TP53I11: variants seen among roughly 807,000 people sequenced by gnomAD.
TP53I11 encodes tumor protein p53 inducible protein 11.
Under a neutral mutation model 23.3 loss-of-function variants are expected in TP53I11, and 9 were observed. The ratio of observed to expected loss-of-function variants is 0.39; its 90% CI spans 0.23 to 0.67. TP53I11 has a LOEUF of 0.67. TP53I11 is among the 30% of genes least tolerant of loss of function. The pLI is 0.48. For synonymous variants in TP53I11, 100 were observed against 106.1 expected (o/e 0.94, Z 0.35); for missense variants, 170 against 255.2 (o/e 0.67, Z 2.27).
chr11:44,935,930 T>C (rs1861059734), intron 5 of TP53I11: 1 of 546,398 alleles, frequency 1.8e-6, no homozygotes, highest in African/African-American at 1.9e-5. Context: ...GCATTGAGAC[T>C]CGATCTCTTT....
Position 44,934,785 on chromosome 11 carries a change from G to A in TP53I11, c.*99C>T. The stretch of plus-strand genomic sequence containing the variant: ...GCCTCCCTGGGGCAGGACTGGGGCA[G>A]GGCAGGGGACCCTCCTGCCTTCCAG... On this transcript the variant is annotated 3_prime_UTR_variant, in exon 7 of 7. Transcript: ENST00000525680. 1.3e-6 allele frequency: 2 copies of A among 1,523,638 alleles called. No homozygotes were observed. The highest frequency in any genetic ancestry group is 1.8e-5 in the Admixed American group (1 of 54,266). 94.4% of individuals were successfully genotyped at this position (1,523,638 alleles called of 1,614,324 possible).
At chr11:44,941,699 GC>G (rs1861771527) in intron 1 of TP53I11, among the ~76,000 whole-genome samples, 1 of 152,116 alleles carries the variant, frequency 6.6e-6, no homozygotes, top group African/African-American at 2.4e-5. Flanking sequence ...CCCTCCCCAG[GC>G]CTCCCATGTG....
In TP53I11 at chr11:44,934,286, G is replaced by C. The variant is rs1033070001; in HGVS notation, c.*598C>G. 1 of 154,102 alleles carries C rather than the reference G, an allele frequency of 6.5e-6. No individual in the cohort carries two copies. The highest frequency in any genetic ancestry group is 1.9e-4 in the East Asian group (1 of 5,234). The allele number at this position is 154,102 out of a possible 1,614,324, so 9.5% of individuals were successfully genotyped here. ...CGTGTGTGTGTTTGCTCACATCATG[G>C]GTGTATGTGTGTCTGTGTGTGTGTT... is the stretch of plus-strand genomic sequence containing the variant. On this transcript the variant is annotated 3_prime_UTR_variant, in exon 7 of 7. Coordinates refer to ENST00000525680, the MANE Select transcript of TP53I11 (RefSeq NM_006034.5).
intron 1 of TP53I11, among the ~76,000 whole-genome samples, chr11:44,942,528 G>A (rs916285418): frequency 5.3e-5 from 8 of 152,010 alleles, no homozygotes; most frequent in Non-Finnish European, 8.8e-5. Context: ...GCAAATCAAC[G>A]GCTGTGGGAC....
chr11:44,948,099 C>A (rs1174539548), intron 1 of TP53I11, among the ~76,000 whole-genome samples: 1 of 152,038 alleles, frequency 6.6e-6, no homozygotes, highest in Non-Finnish European at 1.5e-5. Context: ...CTGCGCTGGC[C>A]CTGGGAGGGG....
rs78148323 is a variant in TP53I11, at chr11:44,949,187, C to T, written c.-32+1490G>A. 2.4e-3 allele frequency among the ~76,000 whole-genome samples: 367 copies of T among 152,318 alleles called. 8 individuals are homozygous for T. In the East Asian group the frequency reaches 0.044, roughly 18 times the overall value. On this transcript the variant is annotated intron_variant, in intron 1 of 6. Transcript: ENST00000525680. ...ACCCAACAAGAAAAATCTTTTCTCT[C>T]CTTTCTCGAAGTCTGGGGCTGAGGC...
Position 44,934,767 on chromosome 11 carries a change from TG to T in TP53I11, c.*116del, listed in dbSNP as rs1860889481. The T allele has an allele frequency of 3.5e-6, 5 of 1,419,418 alleles. No individual in the cohort carries two copies. In the Admixed American group the frequency reaches 9.1e-5, roughly 26 times the overall value. 87.9% of individuals were successfully genotyped at this position (1,419,418 alleles called of 1,614,324 possible). A position where few individuals can be genotyped will look rare whatever the true frequency, so the allele number is the denominator to read the frequency against. On this transcript the variant is annotated 3_prime_UTR_variant, in exon 7 of 7. Transcript: ENST00000525680. ...GAAGGCCCCCCACCCCCTGCCTCCC[TG>T]GGGCAGGACTGGGGCAGGGCAGGGG... is the stretch of plus-strand genomic sequence containing the variant.
Position 44,933,569 on chromosome 11 carries a change from G to C in TP53I11, c.*1315C>G, listed in dbSNP as rs1053916515. Reference sequence around the variant, plus strand: ...CCCTCAGGGAGAAGCTGGGCGGTGGGTATGCAGCACAGGCTGGTGGGCCCT... The same window carrying C: ...CCCTCAGGGAGAAGCTGGGCGGTGGCTATGCAGCACAGGCTGGTGGGCCCT... On this transcript the variant is annotated 3_prime_UTR_variant, in exon 7 of 7. Coordinates refer to ENST00000525680, the MANE Select transcript of TP53I11 (RefSeq NM_006034.5). 1.7e-4 allele frequency: 26 copies of C among 157,180 alleles called. No homozygotes were observed. The highest frequency in any genetic ancestry group is 4.6e-4 in the African/African-American group (19 of 41,438). 9.7% of individuals were successfully genotyped at this position (157,180 alleles called of 1,614,324 possible). A position where few individuals can be genotyped will look rare whatever the true frequency, so the allele number is the denominator to read the frequency against.
Position 44,937,318 on chromosome 11 carries a change from C to G in TP53I11, c.223G>C (p.Gly75Arg). ...WQFVSAVLFS[G>R]IAIMALAFPD... is the part of the protein sequence containing the mutation. ...TGGGGGCTCACCATGATGGCAATGC[C>G]GGAGAAGAGCACAGCAGAGACGAAC... The change falls in exon 4 of 7, where the codon GGC (glycine) becomes CGC (arginine). Residue 75 changes from glycine (G) to arginine (R), a missense_variant. Gly to Arg is a moderately radical substitution (Grantham distance 125). Transcript: ENST00000525680. 1 of 1,501,630 alleles carries G rather than the reference C, an allele frequency of 6.7e-7. No individual in the cohort carries two copies. The highest frequency in any genetic ancestry group is 8.9e-7 in the Non-Finnish European group (1 of 1,126,122). 93.0% of individuals were successfully genotyped at this position (1,501,630 alleles called of 1,614,324 possible).
intron 6 of TP53I11, among the ~76,000 whole-genome samples, 155 bp from the exon 7 acceptor site, chr11:44,935,172 C>A (rs1167086806): frequency 6.6e-6 from 1 of 152,180 alleles, no homozygotes; most frequent in East Asian, 1.9e-4. Flanking sequence ...GCCCCCTGCC[C>A]CTGCCAACCC....
intron 1 of TP53I11, among the ~76,000 whole-genome samples, chr11:44,938,750 A>G (rs1861446416): frequency 6.6e-6 from 1 of 152,076 alleles, no homozygotes; most frequent in Admixed American, 6.5e-5. Flanking sequence ...GAGGTTTAGA[A>G]AAGGGGAGGG....
At position 44,950,773 on chromosome 11, in the gene TP53I11, GGCAGT is replaced by G. The variant is rs1175296727; in HGVS notation, c.-133_-129del. 2 of 147,154 alleles carry G rather than the reference GGCAGT, an allele frequency of 1.4e-5. No individual in the cohort carries two copies. Among genetic ancestry groups the G allele is most frequent in the African/African-American group, 2.5e-5 (1 of 39,638 alleles). 9.1% of individuals were successfully genotyped at this position (147,154 alleles called of 1,614,324 possible). A position where few individuals can be genotyped will look rare whatever the true frequency, so the allele number is the denominator to read the frequency against. ...ACATCGCGCCGCCCGTGCCGGGCCG[GGCAGT>G]GCAGGGCAGGGCAGGGCAGGGCAGG... On this transcript the variant is annotated 5_prime_UTR_variant, in exon 1 of 7. Transcript: ENST00000525680.
chr11:44,943,702 G>C (rs1009356611), intron 1 of TP53I11, among the ~76,000 whole-genome samples: 3 of 152,140 alleles, frequency 2.0e-5, no homozygotes, highest in African/African-American at 4.8e-5. Flanking sequence ...ACTCTCACGG[G>C]TCTCAGTGTC....
Position 44,940,432 on chromosome 11 carries a change from G to A in TP53I11, c.-31-2066C>T, listed in dbSNP as rs1299458679. ...CTCCCTCCCCTCACACCTCCACCCTGGCAACCACTGATCTATTCTCTGACA... is the reference window on the plus strand; with the variant it reads ...CTCCCTCCCCTCACACCTCCACCCTAGCAACCACTGATCTATTCTCTGACA... On this transcript the variant is annotated intron_variant, in intron 1 of 6. Transcript: ENST00000525680. 6 of 152,288 alleles carry A rather than the reference G, an allele frequency of 3.9e-5. No individual in the cohort carries two copies. The East Asian group carries it at 1.2e-3, about 29-fold the overall frequency. 9.4% of individuals were successfully genotyped at this position (152,288 alleles called of 1,614,324 possible).
In TP53I11 at chr11:44,945,260, G is replaced by C. The variant is rs117308784; in HGVS notation, c.-32+5417C>G. On this transcript the variant is annotated intron_variant, in intron 1 of 6. Coordinates refer to ENST00000525680, the MANE Select transcript of TP53I11 (RefSeq NM_006034.5). ...AGGGCCACCTACCCCGGGGCTGGGA[G>C]GAGCGGGGCAAGTACTTCAAGACCA... Among the ~76,000 whole-genome samples the C allele has an allele frequency of 2.2e-3, 334 of 152,312 alleles. 6 individuals are homozygous for C. The East Asian group carries it at 0.043, about 20-fold the overall frequency.
In TP53I11 at chr11:44,937,325, G is replaced by A. The variant is rs563142238; in HGVS notation, c.216C>T (p.Leu72=). The A allele has an allele frequency of 1.3e-6, 2 of 1,494,346 alleles. No homozygotes were observed. Among genetic ancestry groups the A allele is most frequent in the South Asian group, 1.3e-5 (1 of 74,116 alleles). 92.6% of individuals were successfully genotyped at this position (1,494,346 alleles called of 1,614,324 possible). Residue 72 remains leucine (L), a synonymous_variant, in exon 4 of 7, where the codon CTC becomes CTT. Coordinates refer to ENST00000525680, the MANE Select transcript of TP53I11 (RefSeq NM_006034.5). ...LRVWQFVSAV[L]FSGIAIMALA... ...TCACCATGATGGCAATGCCGGAGAA[G>A]AGCACAGCAGAGACGAACTGCCAGA...
intron 4 of TP53I11, 112 bp from the exon 5 acceptor site, chr11:44,937,011 T>TG (rs1023169771): frequency 1.2e-6 from 1 of 843,634 alleles, no homozygotes; most frequent in Non-Finnish European, 1.8e-6. Context: ...TCAGCATCCT[T>TG]GGGGGCAGTC....
chr11:44,935,285 G>A (rs1860964089), intron 6 of TP53I11, among the ~76,000 whole-genome samples: 1 of 145,572 alleles, frequency 6.9e-6, no homozygotes, highest in Non-Finnish European at 1.6e-5. Flanking sequence ...GGTACAGTGG[G>A]CAGTGGGTGT....
chr11:44,942,481 C>T (rs1861991552), intron 1 of TP53I11, among the ~76,000 whole-genome samples: 1 of 151,646 alleles, frequency 6.6e-6, no homozygotes, highest in South Asian at 2.1e-4. Flanking sequence ...CAGAGCATTC[C>T]CCTCTGCATC....
Sources: gnomAD v4.1 joint callset for allele counts (sites outside exome capture counted in the v4.1 genomes callset) on GRCh38, gnomAD v4.1.1 for gene constraint, MANE v1.5 for transcripts, NCBI Gene and HGNC (gene_info 2026-07-23, HGNC 2026-07-21) for gene names.